Variants in FBN1 observed in about 807,000 individuals in gnomAD.
The protein encoded by FBN1 is fibrillin 1.
FBN1 carries 29 observed loss-of-function variants against 365.1 expected under a neutral mutation model. The observed-to-expected ratio is 0.08, with a 90% CI of 0.06 to 0.11. FBN1 has a LOEUF of 0.11. Among genes scored for constraint, FBN1 ranks in the 10% least tolerant of loss-of-function variants. FBN1 has a pLI of 1.00. For synonymous variants in FBN1, 1,210 were observed against 1,270.5 expected, an observed-to-expected ratio of 0.95 and a Z score of 1.01; for missense variants, 2,476 against 3,703.2, an observed-to-expected ratio of 0.67 and a Z score of 8.60.
At chr15:48,417,796 G>A (rs1036121020) in intron 63 of FBN1, among the ~76,000 whole-genome samples, 1 of 152,196 alleles carries the variant, frequency 6.6e-6, no homozygotes, top group African/African-American at 2.4e-5. Flanking sequence ...GAAGAACGAA[G>A]CATATTTACT....
At chr15:48,498,303 C>A (rs1313801508) in intron 18 of FBN1, among the ~76,000 whole-genome samples, 1 of 152,148 alleles carries the variant, frequency 6.6e-6, no homozygotes, top group Non-Finnish European at 1.5e-5. Context: ...CATTCACGCA[C>A]AATGATGAAA....
At chr15:48,519,241 G>A (rs1201051344) in intron 10 of FBN1, among the ~76,000 whole-genome samples, 1 of 152,172 alleles carries the variant, frequency 6.6e-6, no homozygotes, top group African/African-American at 2.4e-5. Flanking sequence ...GTTTATTTAT[G>A]TATTAGTATT....
intron 12 of FBN1, 94 bp from the exon 13 acceptor site, chr15:48,513,762 T>G: frequency 7.1e-7 from 1 of 1,398,896 alleles, no homozygotes; most frequent in South Asian, 1.2e-5. Flanking sequence ...TAAAACATTT[T>G]CCTTTTGAGA....
At chr15:48,430,105 T>C (rs73392129) in intron 56 of FBN1, among the ~76,000 whole-genome samples, 3 of 152,182 alleles carry the variant, frequency 2.0e-5, no homozygotes, top group Admixed American at 1.3e-4. Flanking sequence ...AAACACACAG[T>C]GGGCTGGCAG....
At chr15:48,435,716 G>GTA (rs1345838870) in intron 53 of FBN1, among the ~76,000 whole-genome samples, 1 of 142,054 alleles carries the variant, frequency 7.0e-6, no homozygotes, top group Admixed American at 7.2e-5. Context: ...ATATATGTGT[G>GTA]TATATATATG....
intron 62 of FBN1, among the ~76,000 whole-genome samples, chr15:48,421,035 G>A (rs896841070): frequency 1.3e-5 from 2 of 151,936 alleles, no homozygotes; most frequent in South Asian, 4.2e-4. Context: ...AAAGCCCAAA[G>A]CACTCTCTGG....
intron 30 of FBN1, 51 bp downstream of exon 30, chr15:48,485,316 AAACTACT>A: frequency 6.2e-7 from 1 of 1,613,360 alleles, no homozygotes; most frequent in East Asian, 2.2e-5. Context: ...CCTGGGCCCT[AAACTACT>A]TTACTTAGGA....
At chr15:48,509,433 A>C (rs975186434) in intron 14 of FBN1, among the ~76,000 whole-genome samples, 1 of 147,888 alleles carries the variant, frequency 6.8e-6, no homozygotes, top group African/African-American at 2.4e-5. Flanking sequence ...TTTTAGATAT[A>C]TATAATATAT....
chr15:48,455,901 C>G (rs2043234645), intron 44 of FBN1, among the ~76,000 whole-genome samples: 1 of 151,892 alleles, frequency 6.6e-6, no homozygotes, highest in Non-Finnish European at 1.5e-5. Context: ...GGGTAATAAC[C>G]CTTTCTAACA....
At chr15:48,463,297 C>G (rs974825237) in intron 41 of FBN1, 57 bp from the exon 42 acceptor site, 168 of 1,520,560 alleles carry the variant, frequency 1.1e-4, no homozygotes, top group Non-Finnish European at 1.0e-5. Flanking sequence ...TGGGAAATCA[C>G]AACAAATTTC....
In FBN1 at chr15:48,410,621, A is replaced by G. The variant is rs2042852631; in HGVS notation, c.*369T>C. 4.3e-6 allele frequency: 1 copy of G among 234,358 alleles called. No homozygotes were observed. The highest frequency in any genetic ancestry group is 6.9e-5 in the South Asian group (1 of 14,576). 14.5% of individuals were successfully genotyped at this position (234,358 alleles called of 1,614,324 possible). On this transcript the variant is annotated 3_prime_UTR_variant, in exon 66 of 66. Transcript: ENST00000316623. ...ACCTAGTACTTGTATTTGGAGAAGC[A>G]AAGTTTACAAATTTGCAAAAAATAG...
intron 2 of FBN1, among the ~76,000 whole-genome samples, chr15:48,624,863 G>A (rs538128822): frequency 1.5e-3 from 221 of 152,352 alleles, no homozygotes; most frequent in African/African-American, 5.0e-3. Flanking sequence ...AGGCGGAGCC[G>A]GGGGTGGAGC....
At chr15:48,554,701 T>C (rs560430014) in intron 6 of FBN1, among the ~76,000 whole-genome samples, 4 of 152,304 alleles carry the variant, frequency 2.6e-5, no homozygotes, top group Admixed American at 1.3e-4. Context: ...ATGTGTCATA[T>C]AGTGAATTGA....
At chr15:48,587,080 T>C (rs2044442230) in intron 6 of FBN1, among the ~76,000 whole-genome samples, 1 of 152,216 alleles carries the variant, frequency 6.6e-6, no homozygotes, top group Non-Finnish European at 1.5e-5. Flanking sequence ...CCATGGCAAC[T>C]TAATTTCATG....
intron 8 of FBN1, among the ~76,000 whole-genome samples, chr15:48,526,943 C>T (rs767061166): frequency 5.3e-5 from 8 of 152,224 alleles, no homozygotes; most frequent in South Asian, 2.1e-4. Context: ...AGAGCCACCT[C>T]GCCCGAGGTC....
intron 4 of FBN1, among the ~76,000 whole-genome samples, chr15:48,609,377 C>A (rs1260660952): frequency 6.6e-6 from 1 of 152,212 alleles, no homozygotes; most frequent in African/African-American, 2.4e-5. Flanking sequence ...TGGGCTCCAC[C>A]AGAAGCAGAT....
At chr15:48,423,573 A>G (rs1333625987) in intron 60 of FBN1, among the ~76,000 whole-genome samples, 1 of 152,172 alleles carries the variant, frequency 6.6e-6, no homozygotes, top group Non-Finnish European at 1.5e-5. Context: ...AAGATGACTC[A>G]GTGATTTCTC....
intron 6 of FBN1, among the ~76,000 whole-genome samples, chr15:48,564,776 A>G (rs918312089): frequency 4.6e-5 from 7 of 152,176 alleles, no homozygotes; most frequent in Non-Finnish European, 1.0e-4. Context: ...AGTGGTTGGT[A>G]TTTAAAAGGA....
intron 34 of FBN1, 106 bp downstream of exon 34, chr15:48,474,149 T>C: frequency 6.5e-7 from 1 of 1,537,696 alleles, no homozygotes; most frequent in Non-Finnish European, 8.9e-7. Context: ...ATGAATCTTT[T>C]CTATTAACTG....
Sources: allele counts gnomAD v4.1 joint callset (sites outside exome capture counted in the v4.1 genomes callset), GRCh38; gene constraint gnomAD v4.1.1; transcripts MANE v1.5; gene names NCBI Gene and HGNC (gene_info 2026-07-23, HGNC 2026-07-21).